Variants in MCTP2 observed in about 807,000 individuals in gnomAD.
The protein encoded by MCTP2 is multiple C2 and transmembrane domain containing 2, also known as multiple C2 and transmembrane domain-containing protein 2.
A neutral mutation model predicts 111.6 loss-of-function variants in MCTP2; 132 were observed. The ratio of observed to expected loss-of-function variants is 1.18; its 90% CI spans 1.03 to 1.37. The LOEUF (loss-of-function observed/expected upper bound fraction) is 1.37, where lower values mean the gene tolerates loss of function less well. Ranked by LOEUF, MCTP2 falls within the 40% of genes most tolerant of loss-of-function variation. MCTP2 has a pLI of 0.00. For missense variants in MCTP2, 1,183 were observed against 1,067.9 expected, an observed-to-expected ratio of 1.11 and a Z score of -1.50; for synonymous variants, 395 against 387.7, an observed-to-expected ratio of 1.02 and a Z score of -0.22.
At chr15:94,384,227 T>G (rs1469376300) in intron 13 of MCTP2, 103 bp downstream of exon 13, 3 of 708,492 alleles carry the variant, frequency 4.2e-6, no homozygotes, top group Non-Finnish European at 7.1e-6. Context: ...AGAGTAAATT[T>G]TATTGTTTTT....
chr15:94,345,200 TA>T, intron 8 of MCTP2, 36 bp downstream of exon 8: 3 of 1,594,948 alleles, frequency 1.9e-6, no homozygotes, highest in African/African-American at 2.7e-5. Context: ...ATCATTTGGT[TA>T]AAAACTTTGT....
intron 1 of MCTP2, among the ~76,000 whole-genome samples, chr15:94,288,209 T>C (rs1236262881): frequency 6.6e-6 from 1 of 152,202 alleles, no homozygotes; most frequent in Non-Finnish European, 1.5e-5. Flanking sequence ...ATCATAGATG[T>C]AGGTTGTTCC....
rs113495724 is a variant in MCTP2, at chr15:94,427,114, T to G, written c.2086-13062T>G. Among the ~76,000 whole-genome samples the G allele has an allele frequency of 6.6e-3, 1,005 of 152,326 alleles. 10 individuals are homozygous for G. Among genetic ancestry groups the G allele is most frequent in the African/African-American group, 0.023 (957 of 41,580 alleles). ...GAGAAATGAATGTAGAATGTCCAGCTTGACTGTCTGCTATTCTTTTTTTAT... is the reference window on the plus strand; with the variant it reads ...GAGAAATGAATGTAGAATGTCCAGCGTGACTGTCTGCTATTCTTTTTTTAT... On this transcript the variant is annotated intron_variant, in intron 17 of 22. Coordinates refer to ENST00000357742, the MANE Select transcript of MCTP2 (RefSeq NM_001385001.1).
At chr15:94,296,855 G>A (rs2075297825) in intron 1 of MCTP2, among the ~76,000 whole-genome samples, 1 of 152,190 alleles carries the variant, frequency 6.6e-6, no homozygotes, top group Non-Finnish European at 1.5e-5. Context: ...AAGATACCAA[G>A]TTCATCCTGG....
chr15:94,264,610 CAAAAA>C (rs2073404872), intron 1 of MCTP2, among the ~76,000 whole-genome samples: 2 of 123,710 alleles, frequency 1.6e-5, no homozygotes, highest in Non-Finnish European at 3.7e-5. Flanking sequence ...GACTCTGTCT[CAAAAA>C]AGAAAAAAAA....
intron 21 of MCTP2, among the ~76,000 whole-genome samples, chr15:94,471,569 T>TA (rs1188727213): frequency 6.6e-6 from 1 of 152,148 alleles, no homozygotes; most frequent in African/African-American, 2.4e-5. Context: ...TGAGAGAGTA[T>TA]AATCCAATTA....
chr15:94,400,742 C>G (rs941939269), intron 16 of MCTP2, among the ~76,000 whole-genome samples: 1 of 151,404 alleles, frequency 6.6e-6, no homozygotes, highest in African/African-American at 2.4e-5. Flanking sequence ...TCCCCTTTTT[C>G]AAGAGTTTAT....
intron 6 of MCTP2, among the ~76,000 whole-genome samples, 174 bp downstream of exon 6, chr15:94,340,449 T>C (rs2077575117): frequency 1.3e-5 from 2 of 152,312 alleles, no homozygotes; most frequent in African/African-American, 4.8e-5. Flanking sequence ...GCTTTCCAGG[T>C]GCCAAATATA....
chr15:94,348,358 T>C (rs1233777105), intron 8 of MCTP2, among the ~76,000 whole-genome samples: 3 of 130,340 alleles, frequency 2.3e-5, no homozygotes, highest in Non-Finnish European at 3.3e-5. Flanking sequence ...TCTCTCACTC[T>C]CCATCCCCCT....
intron 14 of MCTP2, among the ~76,000 whole-genome samples, chr15:94,387,340 G>A (rs921588688): frequency 6.6e-6 from 1 of 151,668 alleles, no homozygotes; most frequent in Non-Finnish European, 1.5e-5. Context: ...TAACAGTAAC[G>A]CCTGCCCACA....
chr15:94,336,270 C>A (rs1338256801), intron 4 of MCTP2, among the ~76,000 whole-genome samples: 1 of 152,216 alleles, frequency 6.6e-6, no homozygotes, highest in South Asian at 2.1e-4. Context: ...CATGTTTCAA[C>A]TCCCATCTTC....
At position 94,384,143 on chromosome 15, in the gene MCTP2, G is replaced by A; in HGVS notation, c.1685+19G>A. The A allele has an allele frequency of 2.6e-6, 4 of 1,563,246 alleles. No homozygotes were observed. Among genetic ancestry groups the A allele is most frequent in the East Asian group, 2.3e-5 (1 of 44,186 alleles). Reference sequence around the variant, plus strand: ...TTACATTGTAAGTGCTTTAGCCTCTGGAATTATTTCTGCTGTGCTTGGAAG... The same window carrying A: ...TTACATTGTAAGTGCTTTAGCCTCTAGAATTATTTCTGCTGTGCTTGGAAG... On this transcript the variant is annotated intron_variant, in intron 13 of 22. Coordinates refer to ENST00000357742, the MANE Select transcript of MCTP2 (RefSeq NM_001385001.1).
intron 1 of MCTP2, among the ~76,000 whole-genome samples, chr15:94,243,348 T>C (rs62647210): frequency 0.31 from 31,056 of 101,332 alleles, 6,732 homozygotes; most frequent in African/African-American, 0.34. Context: ...CGTATGTACA[T>C]ACATACGTAT....
chr15:94,325,987 T>G (rs540610654), intron 4 of MCTP2, among the ~76,000 whole-genome samples: 3 of 151,740 alleles, frequency 2.0e-5, no homozygotes, highest in Admixed American at 6.5e-5. Flanking sequence ...GCCCAGCTAA[T>G]TTTTGTATTT....
chr15:94,239,913 A>G (rs1488537361), intron 1 of MCTP2, among the ~76,000 whole-genome samples: 1 of 152,144 alleles, frequency 6.6e-6, no homozygotes, highest in Non-Finnish European at 1.5e-5. Context: ...ACAGACTGGT[A>G]TTTGGTCCTT....
chr15:94,275,313 A>G (rs909889276), intron 1 of MCTP2, among the ~76,000 whole-genome samples: 3 of 152,206 alleles, frequency 2.0e-5, no homozygotes, highest in East Asian at 1.9e-4. Context: ...GAAAAAATAT[A>G]AAACTAGTAT....
rs1165732329 is a variant in MCTP2 at position 94,299,041 on chromosome 15, C to T, written c.465+311C>T. 2.3e-5 allele frequency among the ~76,000 whole-genome samples: 3 copies of T among 130,594 alleles called. No homozygotes were observed. The East Asian group carries it at 7.4e-4, about 32-fold the overall frequency. 85.7% of individuals were successfully genotyped at this position (130,594 alleles called of 152,430 possible). On this transcript the variant is annotated intron_variant, in intron 2 of 22. Coordinates refer to ENST00000357742, the MANE Select transcript of MCTP2 (RefSeq NM_001385001.1). ...TCCCTCCCTCTCTCCCTCCCCCTCC[C>T]CCTTCCCCTTCCCCTCCCTTTGGAA...
At chr15:94,316,782 ATATT>A (rs933443300) in intron 4 of MCTP2, among the ~76,000 whole-genome samples, 6 of 151,236 alleles carry the variant, frequency 4.0e-5, no homozygotes, top group Non-Finnish European at 5.9e-5. Flanking sequence ...TTTCTTTATG[ATATT>A]TATTTATTTA....
intron 17 of MCTP2, among the ~76,000 whole-genome samples, chr15:94,431,346 A>G (rs967742261): frequency 1.3e-5 from 2 of 152,230 alleles, no homozygotes; most frequent in African/African-American, 4.8e-5. Flanking sequence ...AGGTTTGCAA[A>G]TGGTGCGGTG....
Sources: gnomAD v4.1 joint callset for allele counts (sites outside exome capture counted in the v4.1 genomes callset) on GRCh38, gnomAD v4.1.1 for gene constraint, MANE v1.5 for transcripts, NCBI Gene and HGNC (gene_info 2026-07-23, HGNC 2026-07-21) for gene names.